Variants in GMPS observed in about 807,000 individuals in gnomAD.
GMPS encodes the protein guanosine monophosphate synthase, also known as GMP synthase [glutamine-hydrolyzing].
In GMPS, 15 loss-of-function variants were observed where a neutral mutation model predicts 77.9. The observed-to-expected ratio is 0.19, with a 90% confidence interval of 0.13 to 0.30. The LOEUF (loss-of-function observed/expected upper bound fraction) is 0.30, where lower values mean the gene tolerates loss of function less well. GMPS is among the 10% of genes least tolerant of loss of function. GMPS has a pLI of 1.00. For synonymous variants in GMPS, 224 were observed against 275.9 expected (o/e 0.81, Z 1.86); for missense variants, 590 against 838.8 (o/e 0.70, Z 3.66).
At chr3:155,934,629 A>C (rs189395510) in intron 13 of GMPS, among the ~76,000 whole-genome samples, 1 of 152,230 alleles carries the variant, frequency 6.6e-6, no homozygotes, top group Admixed American at 6.5e-5. Context: ...GACCCAGTAC[A>C]TTAAGTGAAA....
chr3:155,935,092 T>C, intron 14 of GMPS, 46 bp downstream of exon 14: 2 of 1,404,796 alleles, frequency 1.4e-6, no homozygotes, highest in Non-Finnish European at 2.0e-6. Flanking sequence ...AACTAGTTTT[T>C]GGAAGCTTGA....
intron 13 of GMPS, among the ~76,000 whole-genome samples, chr3:155,932,465 A>G (rs1755651225): frequency 6.6e-6 from 1 of 151,810 alleles, no homozygotes; most frequent in South Asian, 2.1e-4. Flanking sequence ...TTACATTTAG[A>G]TTAATTTCCC....
rs2108163745 is a variant in GMPS at position 155,942,563 on chromosome 3, A to T, written c.*4871A>T. The T allele has an allele frequency of 4.4e-6, 1 of 228,548 alleles. No homozygotes were observed. Among genetic ancestry groups the T allele is most frequent in the East Asian group, 6.3e-5 (1 of 15,980 alleles). The allele number at this position is 228,548 out of a possible 1,614,324, so 14.2% of individuals were successfully genotyped here. On this transcript the variant is annotated 3_prime_UTR_variant, in exon 16 of 16. Transcript: ENST00000496455. The stretch of plus-strand genomic sequence containing the variant: ...CTAAATTAGTTCAGATCCAGGAACC[A>T]GATTCTGGAACTGATTGCACCTATA...
intron 1 of GMPS, among the ~76,000 whole-genome samples, chr3:155,875,178 A>G (rs1380170685): frequency 6.6e-6 from 1 of 151,816 alleles, no homozygotes; most frequent in African/African-American, 2.4e-5. Flanking sequence ...TTGGCCTCCC[A>G]AAGTCGTGGG....
intron 2 of GMPS, among the ~76,000 whole-genome samples, chr3:155,894,157 T>G (rs1430470283): frequency 2.0e-5 from 3 of 152,262 alleles, no homozygotes; most frequent in African/African-American, 7.2e-5. Flanking sequence ...CTTGTACCCT[T>G]AGAACTAGTC....
At chr3:155,936,609 T>A (rs1296796344) in intron 15 of GMPS, 99 bp downstream of exon 15, 1 of 716,494 alleles carries the variant, frequency 1.4e-6, no homozygotes, top group Admixed American at 2.5e-5. Flanking sequence ...ATTTCTTATG[T>A]TGGTTTTCTG....
chr3:155,936,240 A>G, intron 14 of GMPS, 98 bp from the exon 15 acceptor site: 4 of 744,466 alleles, frequency 5.4e-6, no homozygotes, highest in African/African-American at 1.7e-5. Context: ...CTGTGTGTGT[A>G]TATGTGATTT....
At chr3:155,923,937 A>G (rs937925233) in intron 11 of GMPS, among the ~76,000 whole-genome samples, 7 of 151,994 alleles carry the variant, frequency 4.6e-5, no homozygotes, top group African/African-American at 1.7e-4. Flanking sequence ...CTGGAGTGCA[A>G]TGGCACGATC....
intron 1 of GMPS, among the ~76,000 whole-genome samples, chr3:155,875,957 G>A (rs1018124163): frequency 1.3e-5 from 2 of 152,046 alleles, no homozygotes; most frequent in African/African-American, 4.8e-5. Context: ...TGGGGCACAT[G>A]AGCATAAAAA....
chr3:155,899,614 A>G (rs189686888), intron 3 of GMPS, among the ~76,000 whole-genome samples: 91 of 152,324 alleles, frequency 6.0e-4, no homozygotes, highest in Middle Eastern at 6.8e-3. Flanking sequence ...ACACATCATT[A>G]TTCCCAAAGT....
At chr3:155,875,544 T>C (rs1197734051) in intron 1 of GMPS, among the ~76,000 whole-genome samples, 1 of 152,256 alleles carries the variant, frequency 6.6e-6, no homozygotes. Flanking sequence ...CCTTAAACTT[T>C]GTTTTTATGC....
intron 1 of GMPS, among the ~76,000 whole-genome samples, chr3:155,890,758 G>C (rs1213722633): frequency 6.6e-6 from 1 of 152,126 alleles, no homozygotes; most frequent in Non-Finnish European, 1.5e-5. Context: ...ACTGATGTTG[G>C]TAAGTTCTGT....
chr3:155,940,811 T>G lies in GMPS; in HGVS notation c.*3119T>G. On this transcript the variant is annotated 3_prime_UTR_variant, in exon 16 of 16. Transcript: ENST00000496455. ...CAAAGGGAAACATCAAAATGCACCG[T>G]AAAGTTAAATCCTAGTTACCTTTTT... 1 of 217,942 alleles carries G rather than the reference T, an allele frequency of 4.6e-6. No homozygotes were observed. The highest frequency in any genetic ancestry group is 9.2e-6 in the Non-Finnish European group (1 of 108,690). The allele number at this position is 217,942 out of a possible 1,614,324, so 13.5% of individuals were successfully genotyped here.
intron 3 of GMPS, among the ~76,000 whole-genome samples, chr3:155,899,661 A>G (rs1754686254): frequency 6.6e-6 from 1 of 152,178 alleles, no homozygotes; most frequent in South Asian, 2.1e-4. Flanking sequence ...TGATTTTTGT[A>G]CATTCTATTG....
intron 1 of GMPS, among the ~76,000 whole-genome samples, chr3:155,887,707 G>A (rs560986395): frequency 5.9e-5 from 9 of 152,148 alleles, no homozygotes; most frequent in Non-Finnish European, 1.3e-4. Context: ...TAATGATATT[G>A]TAGTTACATA....
chr3:155,940,887 T>C lies in GMPS; in HGVS notation c.*3195T>C. The C allele has an allele frequency of 4.6e-6, 1 of 215,962 alleles. No homozygotes were observed. The highest frequency in any genetic ancestry group is 9.3e-6 in the Non-Finnish European group (1 of 107,154). The allele number at this position is 215,962 out of a possible 1,614,324, so 13.4% of individuals were successfully genotyped here. On this transcript the variant is annotated 3_prime_UTR_variant, in exon 16 of 16. Transcript: ENST00000496455. ...ACTTGGGGCATCTTCTGCTGTGAGA[T>C]GACACTTGAAAAACACCCATCAAAG... is the stretch of plus-strand genomic sequence containing the variant.
chr3:155,881,371 C>A (rs1280507323), intron 1 of GMPS, among the ~76,000 whole-genome samples: 2 of 151,882 alleles, frequency 1.3e-5, no homozygotes, highest in Admixed American at 6.6e-5. Context: ...AGGGTTTCTC[C>A]ATGTTGGTCA....
chr3:155,870,931 G>C, intron 1 of GMPS, 34 bp downstream of exon 1: 1 of 1,440,598 alleles, frequency 6.9e-7, no homozygotes, highest in Non-Finnish European at 9.1e-7. Flanking sequence ...ACCGCATCCC[G>C]GCGGAGGCGA....
At chr3:155,904,194 G>T (rs1040297529) in intron 4 of GMPS, among the ~76,000 whole-genome samples, 1 of 152,104 alleles carries the variant, frequency 6.6e-6, no homozygotes, top group Non-Finnish European at 1.5e-5. Context: ...CGCCTGTGCA[G>T]TTGTGGAACC....
Sources: allele counts gnomAD v4.1 joint callset (sites outside exome capture counted in the v4.1 genomes callset), GRCh38; gene constraint gnomAD v4.1.1; transcripts MANE v1.5; gene names NCBI Gene and HGNC (gene_info 2026-07-23, HGNC 2026-07-21).